The following FNDC3A variants were observed in gnomAD, a reference collection of about 807,000 sequenced individuals.
FNDC3A encodes fibronectin type-III domain-containing protein 3A.
FNDC3A carries 32 observed loss-of-function variants against 148.9 expected under a neutral mutation model. The ratio of observed to expected loss-of-function variants is 0.21; its 90% CI spans 0.16 to 0.29. FNDC3A has a LOEUF of 0.29. Among genes scored for constraint, FNDC3A ranks in the 10% least tolerant of loss-of-function variants. The probability of loss-of-function intolerance (pLI) is 1.00; values close to 1 mark genes in which losing one functional copy is unlikely to be tolerated. For synonymous variants in FNDC3A, 472 were observed against 473.6 expected (o/e 1.00, Z 0.04); for missense variants, 1,191 against 1,452.8 (o/e 0.82, Z 2.93).
chr13:49,183,947 A>T (rs1438826776), intron 14 of FNDC3A, among the ~76,000 whole-genome samples: 1 of 152,234 alleles, frequency 6.6e-6, no homozygotes, highest in Non-Finnish European at 1.5e-5. Context: ...AAACACTAAG[A>T]CTACAACAGA....
chr13:49,112,508 T>C (rs981846929), intron 3 of FNDC3A, among the ~76,000 whole-genome samples: 16 of 152,192 alleles, frequency 1.1e-4, no homozygotes, highest in Non-Finnish European at 2.2e-4. Context: ...AAGAAAATTT[T>C]ATTCTTTCTC....
At chr13:49,139,888 G>A (rs1882592476) in intron 7 of FNDC3A, among the ~76,000 whole-genome samples, 1 of 152,142 alleles carries the variant, frequency 6.6e-6, no homozygotes, top group Non-Finnish European at 1.5e-5. Context: ...TAGTAGTAGA[G>A]CTATGACTGA....
chr13:49,092,789 C>A (rs989948863), intron 3 of FNDC3A, among the ~76,000 whole-genome samples: 1 of 149,246 alleles, frequency 6.7e-6, no homozygotes, highest in Admixed American at 6.6e-5. Flanking sequence ...TCCTTAATTT[C>A]TTGTAATATA....
intron 1 of FNDC3A, among the ~76,000 whole-genome samples, chr13:48,982,064 G>A (rs1951703204): frequency 1.3e-5 from 2 of 152,074 alleles, no homozygotes; most frequent in Admixed American, 6.5e-5. Flanking sequence ...TCACAGTTTA[G>A]ACTTTTATTA....
At chr13:49,199,816 T>C (rs765747393) in intron 23 of FNDC3A, among the ~76,000 whole-genome samples, 9 of 152,208 alleles carry the variant, frequency 5.9e-5, no homozygotes, top group Non-Finnish European at 1.0e-4. Flanking sequence ...TGCTAATCAC[T>C]GTTGCTAATC....
chr13:49,195,249 AC>A (rs1285861895), intron 19 of FNDC3A, among the ~76,000 whole-genome samples: 2 of 152,190 alleles, frequency 1.3e-5, no homozygotes, highest in Non-Finnish European at 2.9e-5. Context: ...GGAAACATTT[AC>A]GTTTGTTTCT....
chr13:49,203,199 C>T lies in FNDC3A; in HGVS notation c.3197C>T (p.Thr1066Ile), dbSNP rs773258209. The change falls in exon 25 of 26, where the codon ACA (threonine) becomes ATA (isoleucine). Residue 1066 changes from threonine (T) to isoleucine (I), a missense_variant. Thr to Ile is a moderately conservative substitution (Grantham distance 89). This residue lies in a region of FNDC3A where 751 missense variants were observed against 944.0 expected (regional missense o/e 0.80). Transcript: ENST00000492622. ...GTAAATGATCACATTTGTGAAATTACATGGGAGTGTTTACAGCCAATGAAA... is the reference window on the plus strand; with the variant it reads ...GTAAATGATCACATTTGTGAAATTATATGGGAGTGTTTACAGCCAATGAAA... ...EKVNDHICEI[T>I]WECLQPMKGD... 1.2e-6 allele frequency: 2 copies of T among 1,602,960 alleles called. No homozygotes were observed. The highest frequency in any genetic ancestry group is 2.2e-5 in the East Asian group (1 of 44,740).
At chr13:49,019,854 CT>C (rs1873184709) in intron 2 of FNDC3A, among the ~76,000 whole-genome samples, 1 of 152,104 alleles carries the variant, frequency 6.6e-6, no homozygotes, top group African/African-American at 2.4e-5. Context: ...GGAGTTTACC[CT>C]TTTGTTTCTT....
At chr13:49,121,298 G>A (rs1881326652) in intron 4 of FNDC3A, among the ~76,000 whole-genome samples, 1 of 152,126 alleles carries the variant, frequency 6.6e-6, no homozygotes, top group Non-Finnish European at 1.5e-5. Flanking sequence ...TGAAACCAAT[G>A]AGAACAAAGA....
At chr13:48,986,158 A>C (rs1951788427) in intron 1 of FNDC3A, among the ~76,000 whole-genome samples, 1 of 152,236 alleles carries the variant, frequency 6.6e-6, no homozygotes, top group African/African-American at 2.4e-5. Context: ...CTGCCAACCA[A>C]GACAAAATAA....
At chr13:49,032,689 C>T (rs938868058) in intron 2 of FNDC3A, among the ~76,000 whole-genome samples, 1 of 151,858 alleles carries the variant, frequency 6.6e-6, no homozygotes, top group South Asian at 2.1e-4. Flanking sequence ...TGAGCCGAGA[C>T]CGCGCCACTG....
chr13:49,125,267 G>T (rs779904710), intron 4 of FNDC3A, among the ~76,000 whole-genome samples: 1 of 152,170 alleles, frequency 6.6e-6, no homozygotes, highest in Non-Finnish European at 1.5e-5. Flanking sequence ...ATGGGCAGGG[G>T]AGTGTGAGAA....
intron 8 of FNDC3A, among the ~76,000 whole-genome samples, chr13:49,166,108 A>G (rs1884446013): frequency 6.6e-6 from 1 of 152,180 alleles, no homozygotes; most frequent in Non-Finnish European, 1.5e-5. Context: ...AAGAATCCTC[A>G]GGTGGAGGCG....
At chr13:49,009,260 A>G (rs902959486) in intron 2 of FNDC3A, among the ~76,000 whole-genome samples, 1 of 152,174 alleles carries the variant, frequency 6.6e-6, no homozygotes. Context: ...ACTTAGCAGT[A>G]TGGTGTAGGT....
At chr13:49,203,329 T>C (rs1376360378) in intron 25 of FNDC3A, 45 bp downstream of exon 25, 1 of 1,430,764 alleles carries the variant, frequency 7.0e-7, no homozygotes. Context: ...TTTTACCCTT[T>C]TTTAATTTTT....
chr13:49,012,805 ATGTG>A (rs61137549), intron 2 of FNDC3A, among the ~76,000 whole-genome samples: 134 of 134,612 alleles, frequency 1.0e-3, no homozygotes, highest in East Asian at 2.9e-3. Context: ...GCAATTATAA[ATGTG>A]TGTGTGTGTG....
At chr13:49,158,413 C>T (rs1883864843) in intron 8 of FNDC3A, among the ~76,000 whole-genome samples, 1 of 152,218 alleles carries the variant, frequency 6.6e-6, no homozygotes, top group Non-Finnish European at 1.5e-5. Flanking sequence ...GACCTGCGCC[C>T]ACTGTCTGGC....
intron 3 of FNDC3A, among the ~76,000 whole-genome samples, chr13:49,108,434 A>C (rs1337912439): frequency 6.6e-6 from 1 of 152,164 alleles, no homozygotes; most frequent in Non-Finnish European, 1.5e-5. Flanking sequence ...ACACTGCTTC[A>C]GGAGAGGATA....
At chr13:49,151,364 C>T (rs1007019653) in intron 8 of FNDC3A, among the ~76,000 whole-genome samples, 1 of 152,094 alleles carries the variant, frequency 6.6e-6, no homozygotes, top group East Asian at 1.9e-4. Flanking sequence ...CTGTTTTTGA[C>T]ATAAAGTCTG....
Sources: allele counts gnomAD v4.1 joint callset (sites outside exome capture counted in the v4.1 genomes callset), GRCh38; gene constraint gnomAD v4.1.1; regional missense constraint gnomAD v4.1.1; transcripts MANE v1.5; gene names NCBI Gene and HGNC (gene_info 2026-07-23, HGNC 2026-07-21).